The following WNT7A variants were observed in gnomAD, a reference collection of about 807,000 sequenced individuals.
WNT7A encodes Wnt family member 7A, also known as protein Wnt-7a.
Under a neutral mutation model 28.2 loss-of-function variants are expected in WNT7A, and 16 were observed. The ratio of observed to expected loss-of-function variants is 0.57; its 90% CI spans 0.38 to 0.86. The LOEUF (loss-of-function observed/expected upper bound fraction) is 0.86. WNT7A is among the 40% of genes least tolerant of loss of function. The pLI is 0.00. For synonymous variants in WNT7A, 190 were observed against 195.9 expected (o/e 0.97, Z 0.25); for missense variants, 411 against 489.7 (o/e 0.84, Z 1.52).
chr3:13,868,586 GAGAGGGAGAAAGAAAGAA>G (rs1694951491), intron 2 of WNT7A, among the ~76,000 whole-genome samples: 1 of 13,642 alleles, frequency 7.3e-5, no homozygotes, highest in African/African-American at 4.0e-4. Context: ...GAGAGAGAGA[GAGAGGGAGAAAGAAAGAA>G]AGAAAGAGAG....
chr3:13,871,035 C>T (rs1695019681), intron 2 of WNT7A, among the ~76,000 whole-genome samples: 1 of 152,240 alleles, frequency 6.6e-6, no homozygotes, highest in African/African-American at 2.4e-5. Flanking sequence ...TCTTCCTCTT[C>T]AGTCACAGAG....
chr3:13,872,392 T>C (rs1695040012), intron 2 of WNT7A, among the ~76,000 whole-genome samples: 1 of 152,122 alleles, frequency 6.6e-6, no homozygotes, highest in South Asian at 2.1e-4. Context: ...CATTTCATAG[T>C]GGCAATTTCA....
chr3:13,830,615 G>C (rs1334450904), intron 3 of WNT7A, among the ~76,000 whole-genome samples: 1 of 152,102 alleles, frequency 6.6e-6, no homozygotes, highest in Non-Finnish European at 1.5e-5. Context: ...AGAAGATACA[G>C]GCAGGACTTT....
chr3:13,863,114 A>G lies in WNT7A; in HGVS notation c.299-8311T>C, dbSNP rs74880257. Among the ~76,000 whole-genome samples, 752 of 152,328 alleles carry G rather than the reference A, an allele frequency of 4.9e-3. 8 individuals are homozygous for G. The highest frequency in any genetic ancestry group is 0.017 in the African/African-American group (716 of 41,560). On this transcript the variant is annotated intron_variant, in intron 2 of 3. Coordinates refer to ENST00000285018, the MANE Select transcript of WNT7A (RefSeq NM_004625.4). The stretch of plus-strand genomic sequence containing the variant: ...GGGAGGATTAAATAAGCCAATGCAC[A>G]TGACAAGCTCAGCCCGCACTTGGTA...
At chr3:13,862,248 C>G (rs1239150597) in intron 2 of WNT7A, among the ~76,000 whole-genome samples, 5 of 152,236 alleles carry the variant, frequency 3.3e-5, no homozygotes, top group East Asian at 1.9e-4. Context: ...GGGAGCCCAG[C>G]TGACGCCCTC....
At chr3:13,856,923 GAAGAA>G (rs1694747170) in intron 2 of WNT7A, among the ~76,000 whole-genome samples, 1 of 68,814 alleles carries the variant, frequency 1.5e-5, no homozygotes, top group Non-Finnish European at 2.9e-5. Flanking sequence ...AGAAGAAGAA[GAAGAA>G]GAAGAAGAAG....
intron 2 of WNT7A, among the ~76,000 whole-genome samples, chr3:13,856,882 A>AGG (rs1220033909): frequency 8.3e-5 from 6 of 72,166 alleles, no homozygotes; most frequent in African/African-American, 4.7e-4. Context: ...GAAGAAGAGG[A>AGG]AGAAGAAGAA....
In WNT7A at chr3:13,818,006, C is replaced by T. The variant is rs143872272; in HGVS notation, c.*938G>A. The T allele has an allele frequency of 2.0e-3, 312 of 152,318 alleles. 1 individual carries two copies. Among genetic ancestry groups the T allele is most frequent in the African/African-American group, 7.0e-3 (291 of 41,568 alleles). 9.4% of individuals were successfully genotyped at this position (152,318 alleles called of 1,614,324 possible). A position where few individuals can be genotyped will look rare whatever the true frequency, so the allele number is the denominator to read the frequency against. On this transcript the variant is annotated 3_prime_UTR_variant, in exon 4 of 4. Coordinates refer to ENST00000285018, the MANE Select transcript of WNT7A (RefSeq NM_004625.4). The stretch of plus-strand genomic sequence containing the variant: ...AAGAATCCAGCTGTGCAAGGGGCCC[C>T]ATGGGGCCTGACGCCACAACCAGGC...
In WNT7A at chr3:13,817,455, CA is replaced by C. The variant is rs1287637660; in HGVS notation, c.*1488del. 355 of 124,588 alleles carry C rather than the reference CA, an allele frequency of 2.8e-3. 2 individuals are homozygous for C. The highest frequency in any genetic ancestry group is 0.011 in the African/African-American group (327 of 30,128). 7.7% of individuals were successfully genotyped at this position (124,588 alleles called of 1,614,324 possible). On this transcript the variant is annotated 3_prime_UTR_variant, in exon 4 of 4. Coordinates refer to ENST00000285018, the MANE Select transcript of WNT7A (RefSeq NM_004625.4). ...ACACACACACACACACACACACACACACACACACACACACACCGGAAATGCA... is the reference window on the plus strand; with the variant it reads ...ACACACACACACACACACACACACACCACACACACACACACCGGAAATGCA...
chr3:13,839,947 C>A (rs934141637), intron 3 of WNT7A, among the ~76,000 whole-genome samples: 3 of 152,118 alleles, frequency 2.0e-5, no homozygotes, highest in African/African-American at 7.2e-5. Flanking sequence ...GAGGGTGGTG[C>A]CCTTCCTAAC....
intron 2 of WNT7A, among the ~76,000 whole-genome samples, chr3:13,864,142 G>A (rs1057353307): frequency 2.6e-5 from 4 of 152,098 alleles, no homozygotes; most frequent in East Asian, 3.9e-4. Flanking sequence ...AGCACATGGC[G>A]GGAAATCACC....
At chr3:13,824,519 C>T (rs2124829298) in intron 3 of WNT7A, among the ~76,000 whole-genome samples, 1 of 152,338 alleles carries the variant, frequency 6.6e-6, no homozygotes, top group Admixed American at 6.5e-5. Context: ...GGACAGTGGT[C>T]TCTTTCTAAA....
chr3:13,837,668 C>T (rs1001054608), intron 3 of WNT7A, among the ~76,000 whole-genome samples: 2 of 152,094 alleles, frequency 1.3e-5, no homozygotes, highest in African/African-American at 4.8e-5. Flanking sequence ...GCTGAAGCAT[C>T]CCGGAAAGTC....
chr3:13,821,464 A>T (rs1694108756), intron 3 of WNT7A, among the ~76,000 whole-genome samples: 1 of 152,266 alleles, frequency 6.6e-6, no homozygotes. Flanking sequence ...CAAAGGAAAC[A>T]GGTTCAAGAA....
intron 3 of WNT7A, among the ~76,000 whole-genome samples, chr3:13,829,571 C>T (rs1167464652): frequency 6.6e-6 from 1 of 152,134 alleles, no homozygotes; most frequent in African/African-American, 2.4e-5. Flanking sequence ...CGGAAGGAGC[C>T]ATCGGATGGA....
chr3:13,869,201 A>T (rs1412517106), intron 2 of WNT7A, among the ~76,000 whole-genome samples: 1 of 10,194 alleles, frequency 9.8e-5, no homozygotes, highest in African/African-American at 3.6e-4. Context: ...CAAGGAAGGA[A>T]GGGAGAAAGA....
intron 3 of WNT7A, among the ~76,000 whole-genome samples, chr3:13,850,343 G>A (rs533742401): frequency 3.1e-4 from 47 of 152,312 alleles, no homozygotes; most frequent in African/African-American, 1.0e-3. Flanking sequence ...TCTGGGCTCC[G>A]CCCCAGCTGC....
At chr3:13,838,798 C>A (rs1246122380) in intron 3 of WNT7A, among the ~76,000 whole-genome samples, 3 of 152,162 alleles carry the variant, frequency 2.0e-5, no homozygotes. Context: ...CAGAAGGTAG[C>A]GAGCTCCCTA....
At chr3:13,861,509 C>T (rs1694831192) in intron 2 of WNT7A, among the ~76,000 whole-genome samples, 1 of 152,236 alleles carries the variant, frequency 6.6e-6, no homozygotes. Flanking sequence ...TCCGTGGCAG[C>T]TGAGGACTTT....
Sources: gnomAD v4.1 joint callset for allele counts (sites outside exome capture counted in the v4.1 genomes callset) on GRCh38, gnomAD v4.1.1 for gene constraint, MANE v1.5 for transcripts, NCBI Gene and HGNC (gene_info 2026-07-23, HGNC 2026-07-21) for gene names.